LOXHD1: variants seen among roughly 807,000 people sequenced by gnomAD.
LOXHD1 encodes lipoxygenase homology domain-containing protein 1.
Under a neutral mutation model 248.2 loss-of-function variants are expected in LOXHD1, and 205 were observed. The ratio of observed to expected loss-of-function variants is 0.83; its 90% CI spans 0.74 to 0.93. LOXHD1 has a LOEUF of 0.93. Ranked by LOEUF, LOXHD1 falls within the 40% of genes least tolerant of loss-of-function variation. The probability of loss-of-function intolerance (pLI) is 0.00; values close to 1 mark genes in which losing one functional copy is unlikely to be tolerated. For synonymous variants in LOXHD1, 1,113 were observed against 1,162.8 expected (o/e 0.96, Z 0.87); for missense variants, 2,930 against 2,971.6 (o/e 0.99, Z 0.33).
In LOXHD1 at chr18:46,654,123, C is replaced by T. The variant is rs145070552; in HGVS notation, c.130+2781G>A. On this transcript the variant is annotated intron_variant, in intron 1 of 40. Transcript: ENST00000642948. ...TGCCGTTATAAAGGGGCTTGTCCTT[C>T]TGCCTATTGCCATGTGGGAACACAG... Among the ~76,000 whole-genome samples the T allele has an allele frequency of 4.7e-4, 71 of 152,324 alleles. No homozygotes were observed. In the East Asian group the frequency reaches 0.01, roughly 22 times the overall value.
intron 34 of LOXHD1, among the ~76,000 whole-genome samples, chr18:46,510,075 A>T (rs2034866259): frequency 6.6e-6 from 1 of 152,254 alleles, no homozygotes; most frequent in Admixed American, 6.5e-5. Flanking sequence ...TCATTCTACC[A>T]GTCACCTAGA....
At position 46,601,447 on chromosome 18, in the gene LOXHD1, C is replaced by T. The variant is rs1296741878; in HGVS notation, c.904G>A (p.Val302Ile). 5.2e-6 allele frequency: 8 copies of T among 1,551,756 alleles called. No homozygotes were observed. In the South Asian group the frequency reaches 5.9e-5, roughly 12 times the overall value. ...GCCCCCCGGACATCCCCAGTGAAGA[C>T]GGTGACAATATACGTAATAGCTGGT... ...ETTAITYIVT[V>I]FTGDVRGAGT... is the part of the protein sequence containing the mutation. The change falls in exon 8 of 41, where the codon GTC (valine) becomes ATC (isoleucine). Residue 302 changes from valine to isoleucine, a missense_variant. By Grantham distance (29) the Val-to-Ile change is conservative. Transcript: ENST00000642948.
At chr18:46,491,812 GC>G (rs1268830972) in intron 37 of LOXHD1, among the ~76,000 whole-genome samples, 1 of 152,172 alleles carries the variant, frequency 6.6e-6, no homozygotes, top group Non-Finnish European at 1.5e-5. Flanking sequence ...ATAATTCATT[GC>G]CCCCACTGCA....
At chr18:46,633,691 A>G (rs986674933) in intron 4 of LOXHD1, among the ~76,000 whole-genome samples, 2 of 152,252 alleles carry the variant, frequency 1.3e-5, no homozygotes, top group Admixed American at 1.3e-4. Flanking sequence ...AACTCATCGA[A>G]TGGGAGAAAA....
chr18:46,652,015 G>A (rs547147266), intron 1 of LOXHD1, among the ~76,000 whole-genome samples: 5 of 152,272 alleles, frequency 3.3e-5, no homozygotes, highest in South Asian at 2.1e-4. Context: ...ATAGATAAAC[G>A]AACTGTGGTA....
chr18:46,613,238 C>T (rs761685655), intron 5 of LOXHD1, among the ~76,000 whole-genome samples: 21 of 152,074 alleles, frequency 1.4e-4, no homozygotes, highest in Non-Finnish European at 2.8e-4. Context: ...GAACATATTT[C>T]TCAATTTATT....
chr18:46,514,959 C>T (rs1042871780), intron 34 of LOXHD1, among the ~76,000 whole-genome samples: 1 of 152,196 alleles, frequency 6.6e-6, no homozygotes, highest in Non-Finnish European at 1.5e-5. Context: ...TATGCATTAC[C>T]TTTTAGGGCA....
intron 37 of LOXHD1, among the ~76,000 whole-genome samples, chr18:46,492,146 T>C (rs2033529987): frequency 6.6e-6 from 1 of 152,166 alleles, no homozygotes; most frequent in Non-Finnish European, 1.5e-5. Flanking sequence ...TGTCTGGATT[T>C]TGCTGATGAT....
intron 2 of LOXHD1, among the ~76,000 whole-genome samples, chr18:46,646,711 T>C (rs2039035375): frequency 1.3e-5 from 2 of 152,190 alleles, no homozygotes; most frequent in Non-Finnish European, 2.9e-5. Flanking sequence ...TTTGGCAATC[T>C]GTTCCCCTCA....
At chr18:46,536,484 C>T (rs1306439641) in intron 26 of LOXHD1, among the ~76,000 whole-genome samples, 1 of 152,114 alleles carries the variant, frequency 6.6e-6, no homozygotes. Context: ...TCACACTCCC[C>T]CCAAATCCAG....
intron 36 of LOXHD1, 140 bp downstream of exon 36, chr18:46,507,398 C>A (rs185293211): frequency 9.1e-6 from 8 of 874,586 alleles, no homozygotes; most frequent in Non-Finnish European, 1.4e-5. Flanking sequence ...GAAAGCGACA[C>A]ACTGTGGAGA....
At chr18:46,521,323 A>G (rs2035569943) in intron 32 of LOXHD1, 41 bp from the exon 33 acceptor site, 1 of 1,549,344 alleles carries the variant, frequency 6.5e-7, no homozygotes, top group Non-Finnish European at 8.7e-7. Flanking sequence ...TCTGGGCACA[A>G]CTGGGAAGGA....
chr18:46,560,083 G>T lies in LOXHD1; in HGVS notation c.3061C>A (p.Arg1021=), dbSNP rs963520367. 2.1e-6 allele frequency: 1 copy of T among 476,526 alleles called. No homozygotes were observed. Among genetic ancestry groups the T allele is most frequent in the Non-Finnish European group, 3.1e-6 (1 of 318,066 alleles). The allele number at this position is 476,526 out of a possible 1,614,324, so 29.5% of individuals were successfully genotyped here. A position where few individuals can be genotyped will look rare whatever the true frequency, so the allele number is the denominator to read the frequency against. The part of the protein sequence containing the change: ...LVPAGKPGPE[R]NTYEVQVVTG... ...CCCCCACCCCCCACGACCCACTTACGCTCAGGACCCGGCTTGCCAGCTGGC... is the reference window on the plus strand; with the variant it reads ...CCCCCACCCCCCACGACCCACTTACTCTCAGGACCCGGCTTGCCAGCTGGC... The change falls in exon 19 of 41, where the codon CGA becomes AGA. Residue 1021 remains arginine (R), a splice_region_variant and synonymous_variant. Coordinates refer to ENST00000642948, the MANE Select transcript of LOXHD1 (RefSeq NM_001384474.1).
At chr18:46,648,752 G>A (rs2039067107) in intron 2 of LOXHD1, among the ~76,000 whole-genome samples, 1 of 152,206 alleles carries the variant, frequency 6.6e-6, no homozygotes, top group Non-Finnish European at 1.5e-5. Flanking sequence ...CTGGTCCCTG[G>A]TGAGACCTTG....
chr18:46,522,413 G>A (rs1452211632), intron 31 of LOXHD1, 104 bp from the exon 32 acceptor site: 17 of 904,144 alleles, frequency 1.9e-5, no homozygotes, highest in Non-Finnish European at 2.7e-5. Flanking sequence ...ACTGATCTCA[G>A]CTCCTTGCTC....
intron 12 of LOXHD1, among the ~76,000 whole-genome samples, chr18:46,588,998 A>C (rs1322262749): frequency 1.3e-5 from 2 of 152,198 alleles, no homozygotes; most frequent in Non-Finnish European, 2.9e-5. Context: ...ATCCCAAATT[A>C]AGTGGCAGGG....
chr18:46,481,076 T>C (rs2032523205), intron 40 of LOXHD1, among the ~76,000 whole-genome samples: 1 of 152,156 alleles, frequency 6.6e-6, no homozygotes, highest in South Asian at 2.1e-4. Flanking sequence ...ATTGTGTGTA[T>C]GAGATATTGA....
At chr18:46,606,082 A>G (rs1038266417) in intron 6 of LOXHD1, among the ~76,000 whole-genome samples, 1 of 152,222 alleles carries the variant, frequency 6.6e-6, no homozygotes, top group Admixed American at 6.5e-5. Context: ...AAATAGGAGT[A>G]AATATCTTTA....
In LOXHD1 at chr18:46,477,700, G is replaced by A. The variant is rs981453947; in HGVS notation, c.6594C>T (p.Phe2198=). The change falls in exon 41 of 41, where the codon TTC becomes TTT. Residue 2198 remains phenylalanine, a synonymous_variant. Coordinates refer to ENST00000642948, the MANE Select transcript of LOXHD1 (RefSeq NM_001384474.1). ...AGAAGCGGTCTGTGCTGCCCCGCTC[G>A]AAGAGGTTGCGCATTTTCTGCTTCA... ...RELKQKMRNL[F]ERGSTDRFFL... 7.1e-6 allele frequency: 11 copies of A among 1,551,800 alleles called. No individual in the cohort carries two copies. The highest frequency in any genetic ancestry group is 2.7e-5 in the African/African-American group (2 of 73,074).
Sources: allele counts gnomAD v4.1 joint callset (sites outside exome capture counted in the v4.1 genomes callset), GRCh38; gene constraint gnomAD v4.1.1; transcripts MANE v1.5; gene names NCBI Gene and HGNC (gene_info 2026-07-23, HGNC 2026-07-21).